Variants in UBA2 observed in about 807,000 individuals in gnomAD.
UBA2 encodes ubiquitin like modifier activating enzyme 2.
In UBA2, 11 loss-of-function variants were observed where a neutral mutation model predicts 77.2. The observed-to-expected ratio is 0.14, with a 90% CI of 0.09 to 0.24. The LOEUF is 0.24. Among genes scored for constraint, UBA2 ranks in the 10% least tolerant of loss-of-function variants. UBA2 has a pLI of 1.00. For synonymous variants in UBA2, 278 were observed against 276.7 expected, an observed-to-expected ratio of 1.00 and a Z score of -0.05; for missense variants, 487 against 781.7, an observed-to-expected ratio of 0.62 and a Z score of 4.50.
chr19:34,435,965 A>G (rs908772645), intron 5 of UBA2, among the ~76,000 whole-genome samples: 1 of 151,862 alleles, frequency 6.6e-6, no homozygotes, highest in Non-Finnish European at 1.5e-5. Flanking sequence ...TACTAAAAAT[A>G]CAAAAATCAG....
intron 16 of UBA2, among the ~76,000 whole-genome samples, chr19:34,467,311 G>GA (rs928308950): frequency 1.4e-4 from 20 of 145,306 alleles, no homozygotes; most frequent in Admixed American, 2.7e-4. Context: ...TCTCTACAAA[G>GA]AAAAAAAAAA....
intron 16 of UBA2, among the ~76,000 whole-genome samples, chr19:34,467,774 T>C (rs2075703477): frequency 6.6e-6 from 1 of 152,114 alleles, no homozygotes; most frequent in South Asian, 2.1e-4. Flanking sequence ...AACAAACAAG[T>C]CATTTAAGAC....
chr19:34,467,207 C>T, intron 16 of UBA2, 193 bp downstream of exon 16: 1 of 622,918 alleles, frequency 1.6e-6, no homozygotes, highest in Non-Finnish European at 2.6e-6. Context: ...GTGGCTTACA[C>T]CTGTAATCCC....
At chr19:34,454,751 T>C (rs1301037882) in intron 12 of UBA2, among the ~76,000 whole-genome samples, 195 bp downstream of exon 12, 1 of 152,240 alleles carries the variant, frequency 6.6e-6, no homozygotes, top group Non-Finnish European at 1.5e-5. Flanking sequence ...AATTAAGAAG[T>C]TGCTTTTGCT....
intron 12 of UBA2, among the ~76,000 whole-genome samples, chr19:34,455,116 G>A (rs2145547654): frequency 6.6e-6 from 1 of 152,274 alleles, no homozygotes; most frequent in East Asian, 1.9e-4. Context: ...TTTCTTCAAA[G>A]AGCATTTGTG....
chr19:34,437,487 G>A (rs2075321958), intron 5 of UBA2, among the ~76,000 whole-genome samples: 1 of 151,742 alleles, frequency 6.6e-6, no homozygotes, highest in South Asian at 2.1e-4. Flanking sequence ...GCACGCACCT[G>A]TAATCCCAGC....
intron 6 of UBA2, among the ~76,000 whole-genome samples, chr19:34,441,539 G>T (rs538466627): frequency 6.6e-6 from 1 of 151,846 alleles, no homozygotes. Context: ...CCCGATAAAG[G>T]GTATTTTGTA....
chr19:34,438,656 G>A lies in UBA2; in HGVS notation c.471G>A (p.Glu157=). 1 of 1,614,132 alleles carries A rather than the reference G, an allele frequency of 6.2e-7. No homozygotes were observed. The highest frequency in any genetic ancestry group is 8.5e-7 in the Non-Finnish European group (1 of 1,180,028). The change falls in exon 6 of 17, where the codon GAG becomes GAA. Residue 157 remains glutamate, a synonymous_variant. Transcript: ENST00000246548. ...TCCTGACTTCATAGGGTGTGACCGAGTGTTATGAGTGTCATCCTAAGCCGA... is the reference window on the plus strand; with the variant it reads ...TCCTGACTTCATAGGGTGTGACCGAATGTTATGAGTGTCATCCTAAGCCGA... ...QVTTIKKGVT[E]CYECHPKPTQ... is the part of the protein sequence containing the mutation.
chr19:34,457,175 A>ATATATATAT (rs1226463566), intron 12 of UBA2, among the ~76,000 whole-genome samples: 4 of 78,004 alleles, frequency 5.1e-5, no homozygotes, highest in African/African-American at 2.6e-4. Flanking sequence ...CTAAAAAAAA[A>ATATATATAT]AAAAATATAT....
At chr19:34,440,179 C>T (rs2075353214) in intron 6 of UBA2, among the ~76,000 whole-genome samples, 1 of 151,744 alleles carries the variant, frequency 6.6e-6, no homozygotes. Flanking sequence ...CAAAAATTAA[C>T]CAGGCGTGGT....
At chr19:34,447,407 A>G (rs2075443823) in intron 8 of UBA2, among the ~76,000 whole-genome samples, 1 of 152,228 alleles carries the variant, frequency 6.6e-6, no homozygotes, top group Admixed American at 6.5e-5. Flanking sequence ...AGTATTAAGC[A>G]TCATAATGGT....
chr19:34,428,408 C>T lies in UBA2; in HGVS notation c.-25C>T, dbSNP rs550832839. 69 of 1,242,574 alleles carry T rather than the reference C, an allele frequency of 5.6e-5. No individual in the cohort carries two copies. The highest frequency in any genetic ancestry group is 7.9e-5 in the South Asian group (2 of 25,228). 77.0% of individuals were successfully genotyped at this position (1,242,574 alleles called of 1,614,324 possible). A position where few individuals can be genotyped will look rare whatever the true frequency, so the allele number is the denominator to read the frequency against. ...GGCTCGGTTCTCCCGCCTCCGCCTC[C>T]GCCGCGGCTCGTGGTTGTCCCGCCA... On this transcript the variant is annotated 5_prime_UTR_variant, in exon 1 of 17. Transcript: ENST00000246548.
At position 34,429,091 on chromosome 19, in the gene UBA2, A is replaced by G. The variant is rs566824658; in HGVS notation, c.138+521A>G. ...ATACCACCCGAGGAGTGCAAACGCT[A>G]TTTCCACCCTGCTTTATTTTTAACA... On this transcript the variant is annotated intron_variant, in intron 1 of 16. Coordinates refer to ENST00000246548, the MANE Select transcript of UBA2 (RefSeq NM_005499.3). The G allele has an allele frequency of 1.2e-5, 12 of 983,648 alleles. No individual in the cohort carries two copies. In the African/African-American group the frequency reaches 1.2e-4, roughly 10 times the overall value. 60.9% of individuals were successfully genotyped at this position (983,648 alleles called of 1,614,324 possible).
At chr19:34,451,536 GTTTTTTTTTT>G (rs773178552) in intron 9 of UBA2, among the ~76,000 whole-genome samples, 11 of 62,962 alleles carry the variant, frequency 1.7e-4, no homozygotes, top group East Asian at 3.3e-4. Flanking sequence ...AGGTTTAACA[GTTTTTTTTTT>G]TTTTTTTTTT....
At chr19:34,448,453 C>T (rs758231420) in intron 8 of UBA2, among the ~76,000 whole-genome samples, 1 of 151,930 alleles carries the variant, frequency 6.6e-6, no homozygotes, top group Non-Finnish European at 1.5e-5. Context: ...AAATAGCCAG[C>T]CATGGTGGCC....
intron 13 of UBA2, 37 bp from the exon 14 acceptor site, chr19:34,460,433 A>G: frequency 7.8e-7 from 1 of 1,283,248 alleles, no homozygotes; most frequent in South Asian, 1.3e-5. Flanking sequence ...TTAATTACCT[A>G]CGTTAATATT....
At chr19:34,462,091 CT>C (rs1476463390) in intron 14 of UBA2, among the ~76,000 whole-genome samples, 1 of 152,118 alleles carries the variant, frequency 6.6e-6, no homozygotes, top group Non-Finnish European at 1.5e-5. Context: ...AGGTTGAAGT[CT>C]TTCTTGTCAC....
At position 34,428,778 on chromosome 19, in the gene UBA2, C is replaced by G. The variant is rs943637209; in HGVS notation, c.138+208C>G. On this transcript the variant is annotated intron_variant, in intron 1 of 16. Coordinates refer to ENST00000246548, the MANE Select transcript of UBA2 (RefSeq NM_005499.3). ...ACGGGGCGGGCCTCCGCTCGCTGGG[C>G]CGGCTCCGGACGCCGAGGAGGCCGC... 7 of 1,142,108 alleles carry G rather than the reference C, an allele frequency of 6.1e-6. No homozygotes were observed. In the African/African-American group the frequency reaches 1.1e-4, roughly 18 times the overall value. The allele number at this position is 1,142,108 out of a possible 1,614,324, so 70.7% of individuals were successfully genotyped here.
At chr19:34,432,718 C>A (rs1397514120) in intron 3 of UBA2, among the ~76,000 whole-genome samples, 1 of 152,162 alleles carries the variant, frequency 6.6e-6, no homozygotes, top group East Asian at 1.9e-4. Flanking sequence ...CCACCACACT[C>A]AGCTAATTTT....
Sources: allele counts gnomAD v4.1 joint callset (sites outside exome capture counted in the v4.1 genomes callset), GRCh38; gene constraint gnomAD v4.1.1; transcripts MANE v1.5; gene names NCBI Gene and HGNC (gene_info 2026-07-23, HGNC 2026-07-21).